Variants in ROBO1 observed in about 807,000 individuals in gnomAD.
ROBO1 encodes the protein roundabout guidance receptor 1.
ROBO1 carries 149 observed loss-of-function variants against 195.9 expected under a neutral mutation model. The ratio of observed to expected loss-of-function variants is 0.76; its 90% CI spans 0.67 to 0.87. The LOEUF (loss-of-function observed/expected upper bound fraction) is 0.87, where lower values mean the gene tolerates loss of function less well. Ranked by LOEUF, ROBO1 falls within the 40% of genes least tolerant of loss-of-function variation. The pLI is 0.00. For missense variants in ROBO1, 1,933 were observed against 2,068.3 expected, an observed-to-expected ratio of 0.93 and a Z score of 1.27; for synonymous variants, 816 against 733.2, an observed-to-expected ratio of 1.11 and a Z score of -1.82.
At chr3:79,593,340 C>T (rs2107831466) in intron 1 of ROBO1, among the ~76,000 whole-genome samples, 1 of 152,154 alleles carries the variant, frequency 6.6e-6, no homozygotes, top group East Asian at 1.9e-4. Flanking sequence ...GTCAAATTGT[C>T]TTTCAAAGTT....
intron 4 of ROBO1, among the ~76,000 whole-genome samples, chr3:78,926,985 T>A: frequency 6.6e-6 from 1 of 151,764 alleles, no homozygotes; most frequent in African/African-American, 2.4e-5. Flanking sequence ...AAGAGAATAT[T>A]TCAAAAAAAA....
chr3:79,180,496 C>A (rs1292430139), intron 2 of ROBO1, among the ~76,000 whole-genome samples: 1 of 152,156 alleles, frequency 6.6e-6, no homozygotes, highest in Non-Finnish European at 1.5e-5. Flanking sequence ...TTTCCAACTG[C>A]CAATCGAGGT....
chr3:79,413,241 A>G (rs2037855938), intron 2 of ROBO1, among the ~76,000 whole-genome samples: 1 of 152,124 alleles, frequency 6.6e-6, no homozygotes, highest in African/African-American at 2.4e-5. Context: ...TGGGCTATTT[A>G]CTGTTAGCTC....
intron 2 of ROBO1, among the ~76,000 whole-genome samples, chr3:79,240,873 G>T (rs369396684): frequency 2.0e-5 from 3 of 151,972 alleles, no homozygotes; most frequent in South Asian, 4.1e-4. Flanking sequence ...AAACTCCTGG[G>T]TTCAAGTGAA....
intron 4 of ROBO1, among the ~76,000 whole-genome samples, chr3:78,927,954 G>A (rs1282936629): frequency 1.3e-5 from 2 of 152,174 alleles, no homozygotes; most frequent in Admixed American, 1.3e-4. Context: ...GTAAACAGCA[G>A]ATGTTACAAC....
intron 1 of ROBO1, among the ~76,000 whole-genome samples, chr3:79,679,341 A>G (rs973251587): frequency 2.6e-5 from 4 of 152,006 alleles, no homozygotes; most frequent in African/African-American, 9.7e-5. Context: ...ATTCCATATT[A>G]TAGGTATGTA....
chr3:78,696,449 G>T (rs944482848), intron 8 of ROBO1, among the ~76,000 whole-genome samples: 7 of 151,968 alleles, frequency 4.6e-5, no homozygotes, highest in African/African-American at 1.4e-4. Context: ...GTCACAGGGG[G>T]TTCACCATAG....
intron 4 of ROBO1, among the ~76,000 whole-genome samples, chr3:78,784,438 T>C (rs1447264370): frequency 6.6e-6 from 1 of 152,160 alleles, no homozygotes; most frequent in Non-Finnish European, 1.5e-5. Flanking sequence ...TGGGTATCAG[T>C]TCAACTTCTG....
At chr3:79,004,258 C>T (rs532923291) in intron 3 of ROBO1, among the ~76,000 whole-genome samples, 134 of 152,162 alleles carry the variant, frequency 8.8e-4, no homozygotes, top group African/African-American at 3.1e-3. Flanking sequence ...GGTATTTCTT[C>T]TTTCATGTGT....
chr3:79,526,449 A>T (rs1381426320), intron 2 of ROBO1: 1 of 152,220 alleles, frequency 6.6e-6, no homozygotes, highest in South Asian at 2.1e-4. Flanking sequence ...AGGGATTGTT[A>T]GCTTCAAAAA....
intron 4 of ROBO1, among the ~76,000 whole-genome samples, chr3:78,834,486 C>A (rs964820108): frequency 2.7e-5 from 4 of 149,976 alleles, no homozygotes; most frequent in Non-Finnish European, 5.9e-5. Flanking sequence ...ATAAAGTGAG[C>A]TTTTCATATT....
intron 8 of ROBO1, among the ~76,000 whole-genome samples, chr3:78,711,348 C>CTCCTTTCTTTCTTTCTTTCT (rs1575992298): frequency 1.8e-5 from 1 of 54,704 alleles, no homozygotes; most frequent in African/African-American, 9.2e-5. Context: ...TCCTTCCTTC[C>CTCCTTTCTTTCTTTCTTTCT]TCCTTCCTTC....
intron 2 of ROBO1, among the ~76,000 whole-genome samples, chr3:79,194,358 C>T (rs926803898): frequency 2.6e-5 from 4 of 151,550 alleles, no homozygotes; most frequent in Admixed American, 1.3e-4. Flanking sequence ...GGAGATGTCA[C>T]GCAAAAAAGT....
At position 79,749,218 on chromosome 3, in the gene ROBO1, G is replaced by C. The variant is rs576229469; in HGVS notation, c.-51+18534C>G. 1.0e-3 allele frequency among the ~76,000 whole-genome samples: 159 copies of C among 152,214 alleles called. 2 individuals are homozygous for C. The highest frequency in any genetic ancestry group is 3.5e-3 in the Admixed American group (53 of 15,286). ...CTGGTGACATTTTGCCCCTGCCCTA[G>C]AGACTGTGGAACTTTGAACTTGAGA... On this transcript the variant is annotated intron_variant, in intron 1 of 30. Transcript: ENST00000464233.
chr3:79,322,510 A>G (rs1227070099), intron 2 of ROBO1, among the ~76,000 whole-genome samples: 1 of 152,230 alleles, frequency 6.6e-6, no homozygotes, highest in African/African-American at 2.4e-5. Context: ...AAAAGGGAAT[A>G]GACCCTAATA....
intron 8 of ROBO1, among the ~76,000 whole-genome samples, chr3:78,713,409 T>C (rs553198022): frequency 4.6e-5 from 7 of 152,254 alleles, no homozygotes; most frequent in East Asian, 1.9e-4. Context: ...GCATCAAGTG[T>C]TGCTAATGTT....
chr3:79,231,892 G>A (rs998205350), intron 2 of ROBO1, among the ~76,000 whole-genome samples: 1 of 152,058 alleles, frequency 6.6e-6, no homozygotes, highest in Non-Finnish European at 1.5e-5. Flanking sequence ...CCATAAAAAA[G>A]AACAAGATCA....
intron 29 of ROBO1, among the ~76,000 whole-genome samples, chr3:78,602,459 T>C (rs565222581): frequency 6.6e-6 from 1 of 152,310 alleles, no homozygotes; most frequent in Non-Finnish European, 1.5e-5. Flanking sequence ...CTTTCTTTTA[T>C]AAATTACCCA....
intron 2 of ROBO1, among the ~76,000 whole-genome samples, chr3:79,316,022 G>T (rs985395776): frequency 6.6e-6 from 1 of 152,156 alleles, no homozygotes. Flanking sequence ...TACTTTACAC[G>T]CAATTCTAAC....
Sources: gnomAD v4.1 joint callset for allele counts (sites outside exome capture counted in the v4.1 genomes callset) on GRCh38, gnomAD v4.1.1 for gene constraint, MANE v1.5 for transcripts, NCBI Gene and HGNC (gene_info 2026-07-23, HGNC 2026-07-21) for gene names.